TNIK: variants seen among roughly 807,000 people sequenced by gnomAD.
TNIK encodes the protein TRAF2 and NCK interacting kinase, also known as TRAF2 and NCK-interacting protein kinase.
TNIK carries 49 observed loss-of-function variants against 191.3 expected under a neutral mutation model. That is an observed-to-expected ratio of 0.26 (90% CI 0.20 to 0.32). TNIK has a LOEUF of 0.32. Ranked by LOEUF, TNIK falls within the 10% of genes least tolerant of loss-of-function variation. The probability of loss-of-function intolerance (pLI) is 1.00; values close to 1 mark genes in which losing one functional copy is unlikely to be tolerated. For missense variants in TNIK, 1,155 were observed against 1,702.3 expected (o/e 0.68, Z 5.66); for synonymous variants, 594 against 600.9 (o/e 0.99, Z 0.17).
rs936270820 is a variant in TNIK at position 171,367,479 on chromosome 3, G to C, written c.123+2141C>G. On this transcript the variant is annotated intron_variant, in intron 2 of 32. Transcript: ENST00000436636. ...AGGCCCCATAGCATTTTTTTGGGGG[G>C]GGGGGGAGGGGACAGAGTCCCACTC... is the stretch of plus-strand genomic sequence containing the variant. Among the ~76,000 whole-genome samples, 33 of 151,490 alleles carry C rather than the reference G, an allele frequency of 2.2e-4. No individual in the cohort carries two copies. In the East Asian group the frequency reaches 3.9e-3, roughly 18 times the overall value.
At chr3:171,448,780 T>G (rs1358215598) in intron 1 of TNIK, among the ~76,000 whole-genome samples, 1 of 152,116 alleles carries the variant, frequency 6.6e-6, no homozygotes, top group Non-Finnish European at 1.5e-5. Flanking sequence ...TACTTTGAGT[T>G]CCGGGATACA....
At chr3:171,107,241 C>T in intron 20 of TNIK, 35 bp from the exon 21 acceptor site, 1 of 1,601,956 alleles carries the variant, frequency 6.2e-7, no homozygotes, top group Non-Finnish European at 8.5e-7. Flanking sequence ...GAAGAATCCA[C>T]AGAAGGAGGA....
intron 1 of TNIK, among the ~76,000 whole-genome samples, chr3:171,408,793 G>A (rs773294275): frequency 7.2e-5 from 11 of 152,148 alleles, no homozygotes; most frequent in Non-Finnish European, 1.2e-4. Flanking sequence ...CAAGCTAAGC[G>A]TCTCTAAATA....
At chr3:171,208,637 A>G (rs149349636) in intron 4 of TNIK, among the ~76,000 whole-genome samples, 3,157 of 151,932 alleles carry the variant, frequency 0.021, 107 homozygotes, top group African/African-American at 0.073. Context: ...GGCTTACTGC[A>G]ACCTCCGCCT....
At chr3:171,207,813 C>T (rs1374504588) in intron 4 of TNIK, among the ~76,000 whole-genome samples, 1 of 152,294 alleles carries the variant, frequency 6.6e-6, no homozygotes, top group East Asian at 1.9e-4. Flanking sequence ...TCTGAGCTCT[C>T]AAAAGTACCT....
At chr3:171,363,720 A>C (rs1715310262) in intron 2 of TNIK, among the ~76,000 whole-genome samples, 2 of 152,364 alleles carry the variant, frequency 1.3e-5, no homozygotes, top group South Asian at 4.1e-4. Flanking sequence ...CAGAAGGTTA[A>C]TGAAGAGATC....
intron 2 of TNIK, among the ~76,000 whole-genome samples, chr3:171,314,709 C>CAATA (rs201853244): frequency 0.019 from 2,823 of 151,984 alleles, 102 homozygotes; most frequent in African/African-American, 0.065. Flanking sequence ...CCCACACAAA[C>CAATA]AATAAATAAA....
intron 1 of TNIK, among the ~76,000 whole-genome samples, chr3:171,424,869 A>T (rs1339547574): frequency 1.3e-5 from 2 of 150,708 alleles, no homozygotes; most frequent in Non-Finnish European, 3.0e-5. Context: ...GCATTAGGAG[A>T]TACACCTAAT....
intron 14 of TNIK, 63 bp from the exon 15 acceptor site, chr3:171,138,442 AG>A (rs1474375393): frequency 1.5e-4 from 209 of 1,419,854 alleles, no homozygotes; most frequent in Non-Finnish European, 1.9e-4. Flanking sequence ...ATCATCGGCC[AG>A]TACCAGATAA....
intron 1 of TNIK, among the ~76,000 whole-genome samples, chr3:171,410,686 G>A (rs1252996772): frequency 1.3e-5 from 2 of 151,124 alleles, no homozygotes; most frequent in Non-Finnish European, 1.5e-5. Context: ...GGCTGAGGCA[G>A]GAGAATGGCA....
intron 1 of TNIK, among the ~76,000 whole-genome samples, chr3:171,443,417 T>G (rs1727084943): frequency 6.6e-6 from 1 of 152,216 alleles, no homozygotes; most frequent in Non-Finnish European, 1.5e-5. Context: ...GTAGCTTTCT[T>G]AGACAGAGTC....
intron 28 of TNIK, among the ~76,000 whole-genome samples, chr3:171,079,048 C>T (rs1348641056): frequency 6.6e-6 from 1 of 152,200 alleles, no homozygotes; most frequent in Non-Finnish European, 1.5e-5. Context: ...TCCACTTCCA[C>T]CTGAGATTCC....
chr3:171,110,633 C>T, intron 19 of TNIK, 81 bp downstream of exon 19: 1 of 1,475,120 alleles, frequency 6.8e-7, no homozygotes. Context: ...GGACTAGAGT[C>T]AGGAAGTAAC....
At chr3:171,242,003 C>CG (rs528460491) in intron 2 of TNIK, among the ~76,000 whole-genome samples, 124 of 132,334 alleles carry the variant, frequency 9.4e-4, no homozygotes, top group African/African-American at 3.4e-3. Context: ...CATCACACAC[C>CG]GGGGCCTGTT....
At chr3:171,095,225 G>A (rs1165220557) in intron 22 of TNIK, among the ~76,000 whole-genome samples, 1 of 152,198 alleles carries the variant, frequency 6.6e-6, no homozygotes, top group Non-Finnish European at 1.5e-5. Context: ...GTAGCACAGA[G>A]CACAGTGCCA....
chr3:171,145,308 G>T (rs1047915596), intron 12 of TNIK, among the ~76,000 whole-genome samples: 14 of 151,966 alleles, frequency 9.2e-5, no homozygotes, highest in Non-Finnish European at 1.8e-4. Context: ...GGATGGTCTC[G>T]ATCTCCTGAC....
chr3:171,145,535 C>A (rs1175028519), intron 12 of TNIK, among the ~76,000 whole-genome samples: 4 of 152,152 alleles, frequency 2.6e-5, no homozygotes, highest in Admixed American at 2.6e-4. Flanking sequence ...TGTGTGGCTG[C>A]ACTTTCAAGC....
intron 18 of TNIK, among the ~76,000 whole-genome samples, chr3:171,116,317 T>G (rs1208529648): frequency 6.6e-6 from 1 of 152,224 alleles, no homozygotes; most frequent in Non-Finnish European, 1.5e-5. Context: ...ACATCTTAAC[T>G]GAGCCTATTC....
intron 2 of TNIK, among the ~76,000 whole-genome samples, chr3:171,327,111 G>A (rs1177641477): frequency 2.0e-5 from 3 of 152,138 alleles, no homozygotes; most frequent in African/African-American, 7.2e-5. Flanking sequence ...ATGATTTCTG[G>A]GACAATTAGG....
Sources: gnomAD v4.1 joint callset for allele counts (sites outside exome capture counted in the v4.1 genomes callset) on GRCh38, gnomAD v4.1.1 for gene constraint, MANE v1.5 for transcripts, NCBI Gene and HGNC (gene_info 2026-07-23, HGNC 2026-07-21) for gene names.